Variants in GLRA2 observed in about 807,000 individuals in gnomAD.
The protein encoded by GLRA2 is glycine receptor subunit alpha-2.
Under a neutral mutation model 31.6 loss-of-function variants are expected in GLRA2, and 11 were observed. That is an observed-to-expected ratio of 0.35 (90% CI 0.22 to 0.58). The LOEUF (loss-of-function observed/expected upper bound fraction) is 0.58, where lower values mean the gene tolerates loss of function less well. Among genes scored for constraint, GLRA2 ranks in the 20% least tolerant of loss-of-function variants. The pLI, the probability that GLRA2 is intolerant of heterozygous loss-of-function variation, is 0.84. For missense variants in GLRA2, 212 were observed against 351.8 expected, an observed-to-expected ratio of 0.60 and a Z score of 3.18; for synonymous variants, 132 against 134.0, an observed-to-expected ratio of 0.99 and a Z score of 0.10.
At chrX:14,604,535 C>A in intron 5 of GLRA2, 138 bp downstream of exon 5, 2 of 307,281 alleles carry the variant, frequency 6.5e-6, no homozygotes, top group East Asian at 5.9e-5. Flanking sequence ...AATGGAAAGA[C>A]AAACCAAAGT....
rs761912732 is a variant in GLRA2 at position 14,684,936 on chromosome X, G to T, written c.931-5774G>T. Reference sequence around the variant, plus strand: ...CTTCCAGTTTTTGCCCATTCAGTATGATATTAGCTGTGGGTTTGTCATAGA... The same window carrying T: ...CTTCCAGTTTTTGCCCATTCAGTATTATATTAGCTGTGGGTTTGTCATAGA... On this transcript the variant is annotated intron_variant, in intron 7 of 8. Coordinates refer to ENST00000218075, the MANE Select transcript of GLRA2 (RefSeq NM_002063.4). Among the ~76,000 whole-genome samples, 31 of 110,906 alleles carry T rather than the reference G, an allele frequency of 2.8e-4. No individual in the cohort carries two copies. The East Asian group carries it at 8.5e-3, about 30-fold the overall frequency.
At chrX:14,488,882 G>T in the GLRA2 span, among the ~76,000 whole-genome samples, 2 of 111,373 alleles carry the variant, frequency 1.8e-5, no homozygotes, top group Non-Finnish European at 3.8e-5. Flanking sequence ...GCCCAGGTTT[G>T]TTTTTTTCCC....
chrX:14,688,733 G>A (rs1006493577), intron 7 of GLRA2, among the ~76,000 whole-genome samples: 1 of 110,501 alleles, frequency 9.0e-6, no homozygotes, highest in South Asian at 3.9e-4. Context: ...GGAATTCCCT[G>A]ACCCCTTGCG....
intron 2 of GLRA2, among the ~76,000 whole-genome samples, chrX:14,551,208 T>C (rs2089558297): frequency 1.8e-5 from 2 of 111,458 alleles, no homozygotes; most frequent in Admixed American, 1.9e-4. Context: ...TCAGTGCTAT[T>C]AGTGGGATAG....
rs753470377 is a variant in GLRA2 at position 14,559,419 on chromosome X, C to CTT, written c.203-14885_203-14884dup. 2.8e-3 allele frequency among the ~76,000 whole-genome samples: 134 copies of CTT among 48,583 alleles called. 11 individuals carry two copies. Among genetic ancestry groups the CTT allele is most frequent in the East Asian group, 4.0e-3 (5 of 1,244 alleles). 42.2% of individuals were successfully genotyped at this position (48,583 alleles called of 115,157 possible). ...AGTGGGTTAGATTGTGGGGCCATTT[C>CTT]TTTTTTTTTTTTTTTTTTTTTTTTT... On this transcript the variant is annotated intron_variant, in intron 2 of 8. Transcript: ENST00000218075.
chrX:14,623,983 CT>C (rs2090555665), intron 7 of GLRA2, among the ~76,000 whole-genome samples: 1 of 111,271 alleles, frequency 9.0e-6, no homozygotes, highest in East Asian at 2.8e-4. Context: ...TGGTCCTGGA[CT>C]TTTTTTGGTT....
intron 7 of GLRA2, among the ~76,000 whole-genome samples, chrX:14,609,846 A>G (rs1159629316): frequency 8.9e-6 from 1 of 111,826 alleles, no homozygotes; most frequent in Non-Finnish European, 1.9e-5. Context: ...GAAATGTGGC[A>G]TGGTGACAGA....
At chrX:14,685,787 A>T (rs1384549227) in intron 7 of GLRA2, among the ~76,000 whole-genome samples, 5 of 111,272 alleles carry the variant, frequency 4.5e-5, no homozygotes, top group Non-Finnish European at 9.4e-5. Context: ...TGATTTTTTG[A>T]AGGGTTTTTT....
chrX:14,690,900 T>C, intron 8 of GLRA2, 41 bp downstream of exon 8: 1 of 1,174,323 alleles, frequency 8.5e-7, no homozygotes, highest in Admixed American at 2.2e-5. Flanking sequence ...GAGCTTGAGT[T>C]GGTTAGCTAG....
At chrX:14,508,064 G>C in the GLRA2 span, among the ~76,000 whole-genome samples, 1 of 111,362 alleles carries the variant, frequency 9.0e-6, no homozygotes, top group South Asian at 3.8e-4. Context: ...ATCCTGGAAA[G>C]CCCTCCTGTC....
the GLRA2 span, among the ~76,000 whole-genome samples, chrX:14,511,998 G>A: frequency 1.6e-4 from 18 of 111,508 alleles, no homozygotes; most frequent in Non-Finnish European, 3.0e-4. Context: ...TGCCATAGCC[G>A]CACAGGCCTG....
intron 7 of GLRA2, among the ~76,000 whole-genome samples, chrX:14,666,423 A>G (rs928962329): frequency 2.7e-5 from 3 of 111,997 alleles, no homozygotes; most frequent in African/African-American, 9.7e-5. Context: ...TTGTAGCAGG[A>G]AAGTTAGCCC....
intron 8 of GLRA2, among the ~76,000 whole-genome samples, chrX:14,698,852 T>C (rs1032780342): frequency 1.8e-5 from 2 of 110,741 alleles, no homozygotes; most frequent in African/African-American, 3.3e-5. Flanking sequence ...GGCATTAAGC[T>C]TTATTCAGGG....
intron 2 of GLRA2, among the ~76,000 whole-genome samples, chrX:14,541,357 C>T (rs2089401068): frequency 9.0e-6 from 1 of 111,230 alleles, no homozygotes; most frequent in South Asian, 3.8e-4. Flanking sequence ...GCTCATTTCC[C>T]ACTCCTTGGC....
chrX:14,728,352 C>T (rs1057347822), intron 8 of GLRA2, among the ~76,000 whole-genome samples: 1 of 111,227 alleles, frequency 9.0e-6, no homozygotes, highest in Non-Finnish European at 1.9e-5. Context: ...GTGATCATGC[C>T]AGTTCACCCC....
At chrX:14,721,172 C>T (rs1296232070) in intron 8 of GLRA2, among the ~76,000 whole-genome samples, 2 of 108,597 alleles carry the variant, frequency 1.8e-5, no homozygotes, top group African/African-American at 6.7e-5. Context: ...ATTTATAATC[C>T]ACTTCATTAG....
chrX:14,670,626 G>A (rs1027806519), intron 7 of GLRA2, among the ~76,000 whole-genome samples: 11 of 110,869 alleles, frequency 9.9e-5, no homozygotes, highest in African/African-American at 2.3e-4. Context: ...ACCAGATCTC[G>A]CGAGACTTAT....
chrX:14,645,553 G>T (rs1454702494), intron 7 of GLRA2, among the ~76,000 whole-genome samples: 1 of 111,488 alleles, frequency 9.0e-6, no homozygotes, highest in Non-Finnish European at 1.9e-5. Flanking sequence ...CGTGCAAATG[G>T]CAGAGCCATT....
At chrX:14,699,331 AG>A (rs1269056012) in intron 8 of GLRA2, among the ~76,000 whole-genome samples, 2 of 112,345 alleles carry the variant, frequency 1.8e-5, no homozygotes, top group African/African-American at 6.5e-5. Flanking sequence ...TTACCCAGAT[AG>A]CCCTGACTTC....
Sources: allele counts gnomAD v4.1 joint callset (sites outside exome capture counted in the v4.1 genomes callset), GRCh38; gene constraint gnomAD v4.1.1; transcripts MANE v1.5; gene names NCBI Gene and HGNC (gene_info 2026-07-23, HGNC 2026-07-21).